The following GPC4 variants were observed in gnomAD, a reference collection of about 807,000 sequenced individuals.
GPC4 encodes glypican 4, also known as glypican-4.
GPC4 carries 10 observed loss-of-function variants against 35.0 expected under a neutral mutation model. The ratio of observed to expected loss-of-function variants is 0.29; its 90% CI spans 0.18 to 0.48. The LOEUF (loss-of-function observed/expected upper bound fraction) is 0.48. GPC4 is among the 20% of genes least tolerant of loss of function. The pLI is 0.99. For synonymous variants in GPC4, 167 were observed against 170.2 expected, an observed-to-expected ratio of 0.98 and a Z score of 0.15; for missense variants, 322 against 451.3, an observed-to-expected ratio of 0.71 and a Z score of 2.60.
intron 1 of GPC4, among the ~76,000 whole-genome samples, chrX:133,351,906 T>C (rs2068518055): frequency 8.9e-6 from 1 of 112,287 alleles, no homozygotes; most frequent in African/African-American, 3.2e-5. Context: ...TGTTGGTGCT[T>C]AATGCAGTAT....
chrX:133,367,642 G>A (rs1427164076), intron 1 of GPC4, among the ~76,000 whole-genome samples: 1 of 111,606 alleles, frequency 9.0e-6, no homozygotes, highest in African/African-American at 3.3e-5. Context: ...GCCAAGGCGG[G>A]AGAATGCTTG....
chrX:133,393,726 A>C (rs903933628), intron 1 of GPC4, among the ~76,000 whole-genome samples: 3 of 111,731 alleles, frequency 2.7e-5, no homozygotes, highest in Non-Finnish European at 5.6e-5. Context: ...ACAGAAGCCA[A>C]ACACACAGGA....
intron 1 of GPC4, among the ~76,000 whole-genome samples, chrX:133,373,578 A>T (rs149311136): frequency 0.02 from 2,184 of 111,419 alleles, 51 homozygotes; most frequent in African/African-American, 0.066. Flanking sequence ...TCCCAACCTC[A>T]AGGGAACTTC....
At chrX:133,403,806 G>A (rs920192882) in intron 1 of GPC4, among the ~76,000 whole-genome samples, 3 of 107,890 alleles carry the variant, frequency 2.8e-5, no homozygotes, top group Admixed American at 9.9e-5. Flanking sequence ...AACAATCCTT[G>A]TGCCTCAGCC....
At chrX:133,394,963 C>G (rs1374794063) in intron 1 of GPC4, among the ~76,000 whole-genome samples, 1 of 111,728 alleles carries the variant, frequency 9.0e-6, no homozygotes, top group Non-Finnish European at 1.9e-5. Context: ...TGAGCAACAA[C>G]AAGAAAATAC....
intron 3 of GPC4, among the ~76,000 whole-genome samples, chrX:133,312,839 G>A (rs1225744664): frequency 9.0e-6 from 1 of 111,144 alleles, no homozygotes; most frequent in Non-Finnish European, 1.9e-5. Context: ...CCAGAGAAAT[G>A]GGACTTCATT....
chrX:133,305,077 T>A (rs1474858911), intron 6 of GPC4, among the ~76,000 whole-genome samples: 1 of 112,064 alleles, frequency 8.9e-6, no homozygotes, highest in East Asian at 2.8e-4. Flanking sequence ...AGGAGTGGCC[T>A]AGACCCCTTG....
intron 2 of GPC4, among the ~76,000 whole-genome samples, chrX:133,330,663 C>T (rs2068415377): frequency 9.0e-6 from 1 of 111,226 alleles, no homozygotes; most frequent in South Asian, 3.8e-4. Context: ...TATGCTGCTC[C>T]TTGGCCAGGT....
chrX:133,404,352 C>A (rs890149531), intron 1 of GPC4, among the ~76,000 whole-genome samples: 1 of 106,948 alleles, frequency 9.4e-6, no homozygotes, highest in Non-Finnish European at 1.9e-5. Context: ...TCAAGACCAG[C>A]ATGACCAACA....
At chrX:133,318,636 TG>T (rs1055399579) in intron 3 of GPC4, among the ~76,000 whole-genome samples, 6 of 112,036 alleles carry the variant, frequency 5.4e-5, no homozygotes, top group Admixed American at 4.7e-4. Context: ...CAACTCTCTT[TG>T]GCATAGGAGC....
rs761862804 is a variant in GPC4, at chrX:133,317,276, G to A, written c.712-5853C>T. Among the ~76,000 whole-genome samples, 3 of 111,356 alleles carry A rather than the reference G, an allele frequency of 2.7e-5. No homozygotes were observed. In the East Asian group the frequency reaches 8.5e-4, roughly 31 times the overall value. ...TCAGTGTGTATGTGGGGGGGAAGAT[G>A]CCTCATTTCCTTCTCAACTTATTAA... On this transcript the variant is annotated intron_variant, in intron 3 of 8. Transcript: ENST00000370828.
Position 133,415,061 on chromosome X carries a change from G to T in GPC4, c.-96C>A. 1 of 891,480 alleles carries T rather than the reference G, an allele frequency of 1.1e-6. No individual in the cohort carries two copies. Among genetic ancestry groups the T allele is most frequent in the Non-Finnish European group, 1.6e-6 (1 of 639,399 alleles). The allele number at this position is 891,480 out of a possible 1,213,427, so 73.5% of individuals were successfully genotyped here. A position where few individuals can be genotyped will look rare whatever the true frequency, so the allele number is the denominator to read the frequency against. On this transcript the variant is annotated 5_prime_UTR_variant, in exon 1 of 9. Coordinates refer to ENST00000370828, the MANE Select transcript of GPC4 (RefSeq NM_001448.3). ...AGGGCTGGCGGAGTCGGGGACTAGC[G>T]AGTGGAGCTGGAGGGAGAAGGAGTT... is the stretch of plus-strand genomic sequence containing the variant.
chrX:133,401,186 G>A (rs763096042), intron 1 of GPC4, among the ~76,000 whole-genome samples: 13 of 111,760 alleles, frequency 1.2e-4, no homozygotes, highest in Non-Finnish European at 2.4e-4. Context: ...GCTGGCACAG[G>A]AGAAGGCAGA....
intron 1 of GPC4, among the ~76,000 whole-genome samples, chrX:133,369,296 G>A (rs1488355310): frequency 9.0e-6 from 1 of 111,067 alleles, no homozygotes; most frequent in Non-Finnish European, 1.9e-5. Flanking sequence ...ATACCCTGTG[G>A]GGCTTTTGAC....
intron 1 of GPC4, among the ~76,000 whole-genome samples, chrX:133,393,022 G>A (rs2068726760): frequency 8.9e-6 from 1 of 112,007 alleles, no homozygotes; most frequent in Non-Finnish European, 1.9e-5. Context: ...ACAGACACTA[G>A]GCATAGCAAA....
intron 1 of GPC4, among the ~76,000 whole-genome samples, chrX:133,373,999 T>TG (rs900076932): frequency 5.4e-5 from 6 of 110,435 alleles, no homozygotes; most frequent in African/African-American, 9.9e-5. Context: ...ACAGTTAATT[T>TG]GGGGGGGTGA....
intron 2 of GPC4, among the ~76,000 whole-genome samples, chrX:133,337,225 C>T (rs1385326668): frequency 1.8e-5 from 2 of 112,003 alleles, no homozygotes; most frequent in Non-Finnish European, 1.9e-5. Context: ...GAATGTGAAG[C>T]CTGGTAGGGA....
At chrX:133,306,462 A>G (rs1344302781) in intron 4 of GPC4, among the ~76,000 whole-genome samples, 1 of 111,516 alleles carries the variant, frequency 9.0e-6, no homozygotes, top group African/African-American at 3.3e-5. Flanking sequence ...TGTCACTGTA[A>G]GGCTCTTAGT....
intron 1 of GPC4, among the ~76,000 whole-genome samples, chrX:133,364,063 A>AT (rs2068580363): frequency 8.9e-6 from 1 of 111,922 alleles, no homozygotes; most frequent in African/African-American, 3.2e-5. Context: ...GGTATGCCAC[A>AT]TTTTGTTTAT....
Sources: allele counts gnomAD v4.1 joint callset (sites outside exome capture counted in the v4.1 genomes callset), GRCh38; gene constraint gnomAD v4.1.1; transcripts MANE v1.5; gene names NCBI Gene and HGNC (gene_info 2026-07-23, HGNC 2026-07-21).